Variants in PHLPP2 observed in about 807,000 individuals in gnomAD.
PHLPP2 encodes the protein PH domain leucine-rich repeat-containing protein phosphatase 2.
A neutral mutation model predicts 124.9 loss-of-function variants in PHLPP2; 66 were observed. The observed-to-expected ratio is 0.53, with a 90% confidence interval of 0.43 to 0.65. The LOEUF (loss-of-function observed/expected upper bound fraction) is 0.65. Among genes scored for constraint, PHLPP2 ranks in the 30% least tolerant of loss-of-function variants. The pLI is 0.00. For missense variants in PHLPP2, 1,685 were observed against 1,600.4 expected (o/e 1.05, Z -0.90); for synonymous variants, 681 against 624.7 (o/e 1.09, Z -1.34).
intron 12 of PHLPP2, among the ~76,000 whole-genome samples, chr16:71,665,052 G>A (rs143079518): frequency 2.0e-5 from 3 of 151,988 alleles, no homozygotes; most frequent in East Asian, 2.0e-4. Flanking sequence ...GCTCACGCCT[G>A]TAATCCCAGC....
Position 71,667,330 on chromosome 16 carries a change from A to C in PHLPP2, c.1632T>G (p.Ile544Met). Residue 544 changes from isoleucine (I) to methionine (M), a missense_variant, in exon 12 of 19, where the codon ATT (isoleucine) becomes ATG (methionine). Ile to Met is a conservative substitution (Grantham distance 10). Transcript: ENST00000568954. Reference sequence around the variant, plus strand: ...GTTTTCTAAGACTCAAGCTACTCAGAATTCTAAGGGGGGAGCATACAAACA... The same window carrying C: ...GTTTTCTAAGACTCAAGCTACTCAGCATTCTAAGGGGGGAGCATACAAACA... ...YNLLTEVPVR[I>M]LSSLSLRKLM... is the part of the protein sequence containing the mutation. 2 of 1,612,088 alleles carry C rather than the reference A, an allele frequency of 1.2e-6. No homozygotes were observed. The highest frequency in any genetic ancestry group is 1.7e-6 in the Non-Finnish European group (2 of 1,178,580).
intron 1 of PHLPP2, among the ~76,000 whole-genome samples, chr16:71,720,061 C>CCG (rs1555549704): frequency 6.7e-6 from 1 of 150,284 alleles, no homozygotes; most frequent in Non-Finnish European, 1.5e-5. Context: ...CTCCGCCCCC[C>CCG]GGGGTTCATG....
chr16:71,700,675 G>GC (rs1381707517), intron 3 of PHLPP2, among the ~76,000 whole-genome samples: 1 of 151,766 alleles, frequency 6.6e-6, no homozygotes, highest in African/African-American at 2.4e-5. Context: ...ATAGGTGCCC[G>GC]CCACCAGGCC....
In PHLPP2 at chr16:71,676,544, G is replaced by A. The variant is rs930554333; in HGVS notation, c.1374C>T (p.Ser458=). The A allele has an allele frequency of 6.2e-7, 1 of 1,614,068 alleles. No individual in the cohort carries two copies. The highest frequency in any genetic ancestry group is 8.5e-7 in the Non-Finnish European group (1 of 1,179,870). ...DNRLTDLDLS[S]LCSLEQLHCG... ...AGTGCAGCTGTTCCAAGCTGCATAA[G>A]GAGCTAAGATCCAAGTCAGTCAGTC... Residue 458 remains serine, a synonymous_variant, in exon 9 of 19, where the codon TCC becomes TCT. Transcript: ENST00000568954.
At chr16:71,704,967 C>A (rs1331640708) in intron 2 of PHLPP2, among the ~76,000 whole-genome samples, 1 of 152,162 alleles carries the variant, frequency 6.6e-6, no homozygotes, top group African/African-American at 2.4e-5. Context: ...TTCAAATGTT[C>A]AGACGGATTG....
chr16:71,681,716 T>C (rs2045000319), intron 6 of PHLPP2, 35 bp downstream of exon 6: 1 of 1,552,554 alleles, frequency 6.4e-7, no homozygotes, highest in South Asian at 1.2e-5. Flanking sequence ...GAGTTGGTTT[T>C]AACAGGTTAG....
chr16:71,705,497 TTTTTTC>T (rs780469762), intron 2 of PHLPP2, among the ~76,000 whole-genome samples: 86 of 152,186 alleles, frequency 5.7e-4, no homozygotes, highest in South Asian at 1.0e-3. Context: ...CACATGTCTT[TTTTTTC>T]TTTTTCTTTT....
rs1178217189 is a variant in PHLPP2, at chr16:71,649,418, G to C, written c.3444C>G (p.Asp1148Glu). ...FSSNQSDNGL[D>E]SDDDQPVEGV... Reference sequence around the variant, plus strand: ...CCTCAACGGGCTGGTCATCATCACTGTCCAGGCCGTTGTCAGACTGGTTAC... The same window carrying C: ...CCTCAACGGGCTGGTCATCATCACTCTCCAGGCCGTTGTCAGACTGGTTAC... Residue 1148 changes from aspartate (D) to glutamate (E), a missense_variant, in exon 19 of 19, where the codon GAC becomes GAG. Physicochemically the swap from Asp to Glu is conservative, Grantham distance 45. Coordinates refer to ENST00000568954, the MANE Select transcript of PHLPP2 (RefSeq NM_015020.3). The C allele has an allele frequency of 6.2e-7, 1 of 1,614,012 alleles. No individual in the cohort carries two copies. Among genetic ancestry groups the C allele is most frequent in the East Asian group, 2.2e-5 (1 of 44,894 alleles).
intron 12 of PHLPP2, 24 bp downstream of exon 12, chr16:71,667,154 C>T (rs200632848): frequency 3.3e-5 from 52 of 1,598,150 alleles, no homozygotes; most frequent in East Asian, 2.9e-4. Flanking sequence ...TCTGCTCTTC[C>T]GAAAAAAATC....
rs752017055 is a variant in PHLPP2 at position 71,679,537 on chromosome 16, T to C, written c.891-2A>G. On this transcript the variant is annotated splice_acceptor_variant, in intron 6 of 18. Coordinates refer to ENST00000568954, the MANE Select transcript of PHLPP2 (RefSeq NM_015020.3). LOFTEE classifies it high-confidence loss of function. Reference sequence around the variant, plus strand: ...TTCAGGCCCTTCAGTTGAGAAAATCTAAAGAGCAAAGGCAAAAATGGGTAT... The same window carrying C: ...TTCAGGCCCTTCAGTTGAGAAAATCCAAAGAGCAAAGGCAAAAATGGGTAT... The C allele has an allele frequency of 1.2e-6, 2 of 1,613,678 alleles. No individual in the cohort carries two copies.
Position 71,648,445 on chromosome 16 carries a change from G to A in PHLPP2, c.*445C>T, listed in dbSNP as rs1029027206. 35 of 168,406 alleles carry A rather than the reference G, an allele frequency of 2.1e-4. No homozygotes were observed. The highest frequency in any genetic ancestry group is 1.6e-4 in the East Asian group (1 of 6,188). 10.4% of individuals were successfully genotyped at this position (168,406 alleles called of 1,614,324 possible). The stretch of plus-strand genomic sequence containing the variant: ...GATGGCTCTCACACTTTTTGGCTCC[G>A]AGTTCAACCCCACACAGCTATGGTT... On this transcript the variant is annotated 3_prime_UTR_variant, in exon 19 of 19. Coordinates refer to ENST00000568954, the MANE Select transcript of PHLPP2 (RefSeq NM_015020.3).
rs1596989045 is a variant in PHLPP2 at position 71,656,789 on chromosome 16, C to T, written c.2280-108G>A. ...TTTTGAGATGGAGTCTCCCTCTTGT[C>T]ACCCAGGCTGGAGTGCAGTGGTGTG... is the stretch of plus-strand genomic sequence containing the variant. On this transcript the variant is annotated intron_variant, in intron 15 of 18. Coordinates refer to ENST00000568954, the MANE Select transcript of PHLPP2 (RefSeq NM_015020.3). The T allele has an allele frequency of 7.8e-6, 5 of 640,410 alleles. No individual in the cohort carries two copies. In the East Asian group the frequency reaches 1.6e-4, roughly 20 times the overall value. 39.7% of individuals were successfully genotyped at this position (640,410 alleles called of 1,614,324 possible). A position where few individuals can be genotyped will look rare whatever the true frequency, so the allele number is the denominator to read the frequency against.
In PHLPP2 at chr16:71,645,112, A is replaced by C. The variant is rs748425699; in HGVS notation, c.*3778T>G. 3 of 207,682 alleles carry C rather than the reference A, an allele frequency of 1.4e-5. No individual in the cohort carries two copies. Among genetic ancestry groups the C allele is most frequent in the South Asian group, 6.6e-5 (1 of 15,232 alleles). The allele number at this position is 207,682 out of a possible 1,614,324, so 12.9% of individuals were successfully genotyped here. On this transcript the variant is annotated 3_prime_UTR_variant, in exon 19 of 19. Coordinates refer to ENST00000568954, the MANE Select transcript of PHLPP2 (RefSeq NM_015020.3). Reference sequence around the variant, plus strand: ...AAGACTACAATACGACAATGATTGCACAAAACCGTAAGATATGAGCCCACT... The same window carrying C: ...AAGACTACAATACGACAATGATTGCCCAAAACCGTAAGATATGAGCCCACT...
At chr16:71,654,218 A>C (rs1274776207) in intron 17 of PHLPP2, among the ~76,000 whole-genome samples, 2 of 150,148 alleles carry the variant, frequency 1.3e-5, no homozygotes, top group African/African-American at 4.9e-5. Context: ...AAAAAAAAAA[A>C]AAAAAAAAAA....
Position 71,702,597 on chromosome 16 carries a change from C to T in PHLPP2, c.418+1G>A. 1 of 1,608,536 alleles carries T rather than the reference C, an allele frequency of 6.2e-7. No homozygotes were observed. The highest frequency in any genetic ancestry group is 1.1e-5 in the South Asian group (1 of 90,504). On this transcript the variant is annotated splice_donor_variant, in intron 3 of 18. Transcript: ENST00000568954. LOFTEE classifies it high-confidence loss of function. The stretch of plus-strand genomic sequence containing the variant: ...ATACAAAGCCACTGATAAATTCTTA[C>T]CACCATAAAATCGAATCATACAGCC...
chr16:71,678,421 C>T lies in PHLPP2; in HGVS notation c.1268+334G>A, dbSNP rs1279942263. On this transcript the variant is annotated intron_variant, in intron 8 of 18. Coordinates refer to ENST00000568954, the MANE Select transcript of PHLPP2 (RefSeq NM_015020.3). ...GGGAGGCTGAGGTGGGTGGACTGCT[C>T]GAGTCCAGGAGTTCGAGACCTGCCT... The T allele has an allele frequency of 2.2e-5, 5 of 224,686 alleles. No homozygotes were observed. The South Asian group carries it at 2.3e-4, about 10-fold the overall frequency. 13.9% of individuals were successfully genotyped at this position (224,686 alleles called of 1,614,324 possible).
chr16:71,662,764 T>A (rs989527914), intron 13 of PHLPP2, among the ~76,000 whole-genome samples: 6 of 152,150 alleles, frequency 3.9e-5, no homozygotes, highest in Non-Finnish European at 7.4e-5. Flanking sequence ...GGCATGTGTC[T>A]GCAGTTTCAG....
At chr16:71,722,249 T>C (rs770540478) in intron 1 of PHLPP2, among the ~76,000 whole-genome samples, 4 of 151,938 alleles carry the variant, frequency 2.6e-5, no homozygotes, top group Admixed American at 2.0e-4. Flanking sequence ...CTGGGAAACA[T>C]AGCGCAACCC....
At chr16:71,697,684 A>T (rs1478681264) in intron 3 of PHLPP2, among the ~76,000 whole-genome samples, 1 of 152,136 alleles carries the variant, frequency 6.6e-6, no homozygotes, top group Non-Finnish European at 1.5e-5. Context: ...GTACACAGAG[A>T]AACGTTCAGG....
Sources: gnomAD v4.1 joint callset for allele counts (sites outside exome capture counted in the v4.1 genomes callset) on GRCh38, gnomAD v4.1.1 for gene constraint, MANE v1.5 for transcripts, NCBI Gene and HGNC (gene_info 2026-07-23, HGNC 2026-07-21) for gene names.